Variants in HSDL2 observed in about 807,000 individuals in gnomAD.
HSDL2 encodes hydroxysteroid dehydrogenase-like protein 2.
In HSDL2, 27 loss-of-function variants were observed where a neutral mutation model predicts 46.3. The observed-to-expected ratio is 0.58, with a 90% CI of 0.43 to 0.80. HSDL2 has a LOEUF of 0.80. Among genes scored for constraint, HSDL2 ranks in the 30% least tolerant of loss-of-function variants. HSDL2 has a pLI of 0.00. For synonymous variants in HSDL2, 153 were observed against 163.6 expected, an observed-to-expected ratio of 0.94 and a Z score of 0.50; for missense variants, 451 against 502.7, an observed-to-expected ratio of 0.90 and a Z score of 0.98.
chr9:112,399,408 T>G (rs1831536832), intron 1 of HSDL2, among the ~76,000 whole-genome samples: 1 of 152,186 alleles, frequency 6.6e-6, no homozygotes, highest in Admixed American at 6.5e-5. Context: ...GAACCACTGA[T>G]AAGGATCTAT....
Position 112,401,060 on chromosome 9 carries a change from T to C in HSDL2, c.18-2935T>C, listed in dbSNP as rs971144348. Among the ~76,000 whole-genome samples, 4 of 152,220 alleles carry C rather than the reference T, an allele frequency of 2.6e-5. No homozygotes were observed. The South Asian group carries it at 8.3e-4, about 32-fold the overall frequency. ...TAAGGCCGGGGTTATCTTCCTGTTA[T>C]TGATTGATAACATCCCTTGCTGTTA... On this transcript the variant is annotated intron_variant, in intron 1 of 10. Transcript: ENST00000398805.
At position 112,459,464 on chromosome 9, in the gene HSDL2, C is replaced by T. The variant is rs774208549; in HGVS notation, c.1031C>T (p.Thr344Met). The T allele has an allele frequency of 3.7e-6, 6 of 1,613,668 alleles. No homozygotes were observed. The highest frequency in any genetic ancestry group is 2.7e-5 in the African/African-American group (2 of 74,872). Reference sequence around the variant, plus strand: ...ATCTCTCTAGGTGAAGATGGTGGCACGTGGTTTCTTGATCTGAAAAGCAAG... The same window carrying T: ...ATCTCTCTAGGTGAAGATGGTGGCATGTGGTTTCTTGATCTGAAAAGCAAG... ...LFELSGEDGG[T>M]WFLDLKSKGG... The change falls in exon 10 of 11, where the codon ACG (threonine) becomes ATG (methionine). Residue 344 changes from threonine (T) to methionine (M), a missense_variant. Transcript: ENST00000398805.
At chr9:112,432,188 T>C (rs547508615) in intron 6 of HSDL2, among the ~76,000 whole-genome samples, 1 of 152,162 alleles carries the variant, frequency 6.6e-6, no homozygotes, top group East Asian at 1.9e-4. Context: ...AGCCTAGGTA[T>C]TTCTTTATAG....
intron 1 of HSDL2, among the ~76,000 whole-genome samples, chr9:112,381,589 C>T (rs1831097048): frequency 6.6e-6 from 1 of 152,082 alleles, no homozygotes. Flanking sequence ...CTCATGACCT[C>T]GTGATCCGTC....
chr9:112,466,149 G>A (rs1489658429), intron 10 of HSDL2, among the ~76,000 whole-genome samples: 1 of 152,192 alleles, frequency 6.6e-6, no homozygotes, highest in Non-Finnish European at 1.5e-5. Context: ...AATGACAAAT[G>A]ATATCATACT....
intron 1 of HSDL2, among the ~76,000 whole-genome samples, chr9:112,393,428 A>G (rs1464346688): frequency 1.3e-5 from 2 of 152,202 alleles, no homozygotes; most frequent in Non-Finnish European, 2.9e-5. Flanking sequence ...TCATTAGCCA[A>G]TCTCCAAGCC....
chr9:112,420,267 T>C (rs1316597545), intron 6 of HSDL2, among the ~76,000 whole-genome samples: 2 of 152,100 alleles, frequency 1.3e-5, no homozygotes, highest in Admixed American at 6.5e-5. Flanking sequence ...TGAACCCAGA[T>C]TGGACCACTG....
At chr9:112,438,826 T>A in intron 7 of HSDL2, 6 of 350,892 alleles carry the variant, frequency 1.7e-5, no homozygotes, top group Non-Finnish European at 2.4e-5. Flanking sequence ...AGTTGAGGGC[T>A]TTTGAAGTGA....
chr9:112,452,581 T>C (rs1259349131), intron 8 of HSDL2, among the ~76,000 whole-genome samples: 19 of 151,948 alleles, frequency 1.3e-4, no homozygotes, highest in Admixed American at 1.2e-3. Flanking sequence ...ACCCTGTCTC[T>C]ACTAAAAATT....
At chr9:112,389,608 A>C (rs911449251) in intron 1 of HSDL2, among the ~76,000 whole-genome samples, 5 of 152,236 alleles carry the variant, frequency 3.3e-5, no homozygotes, top group Non-Finnish European at 5.9e-5. Context: ...TCATAATGAA[A>C]TACATTAGAA....
At position 112,404,106 on chromosome 9, in the gene HSDL2, C is replaced by T. The variant is rs767531369; in HGVS notation, c.129C>T (p.Thr43=). 12 of 1,613,976 alleles carry T rather than the reference C, an allele frequency of 7.4e-6. No homozygotes were observed. In the African/African-American group the frequency reaches 1.2e-4, roughly 16 times the overall value. The change falls in exon 2 of 11, where the codon ACC becomes ACT. Residue 43 remains threonine (T), a synonymous_variant. Transcript: ENST00000398805. The part of the protein sequence containing the change: ...DGANIVIAAK[T]AQPHPKLLGT... Reference sequence around the variant, plus strand: ...CAAATATTGTTATTGCTGCAAAGACCGCCCAGCCACATCCAAAACTTCTAG... The same window carrying T: ...CAAATATTGTTATTGCTGCAAAGACTGCCCAGCCACATCCAAAACTTCTAG...
chr9:112,466,176 G>A lies in HSDL2; in HGVS notation c.1145-4256G>A, dbSNP rs574535824. Among the ~76,000 whole-genome samples the A allele has an allele frequency of 8.6e-5, 13 of 152,000 alleles. No homozygotes were observed. In the East Asian group the frequency reaches 2.1e-3, roughly 25 times the overall value. On this transcript the variant is annotated intron_variant, in intron 10 of 10. Transcript: ENST00000398805. ...TATCATACTTTTTTTATGTGCTTAT[G>A]GATCAAAGGTATTTCCTTGGAGAAA...
chr9:112,463,685 G>C (rs970450025), intron 10 of HSDL2, among the ~76,000 whole-genome samples: 2 of 25,382 alleles, frequency 7.9e-5, no homozygotes, highest in Non-Finnish European at 1.4e-4. Context: ...TATTTTTTGA[G>C]ACACAGTCTT....
chr9:112,455,676 T>C (rs762857160), intron 9 of HSDL2, among the ~76,000 whole-genome samples: 27 of 152,246 alleles, frequency 1.8e-4, no homozygotes, highest in Non-Finnish European at 3.5e-4. Context: ...AGCTTACTGC[T>C]GCATTTTCCA....
At chr9:112,450,999 G>T (rs1235007750) in intron 8 of HSDL2, among the ~76,000 whole-genome samples, 1 of 151,656 alleles carries the variant, frequency 6.6e-6, no homozygotes, top group Non-Finnish European at 1.5e-5. Flanking sequence ...CTAGGAGTTC[G>T]AGACCAGCCT....
In HSDL2 at chr9:112,438,630, T is replaced by A; in HGVS notation, c.793+5T>A. The A allele has an allele frequency of 6.6e-7, 1 of 1,511,718 alleles. No homozygotes were observed. Among genetic ancestry groups the A allele is most frequent in the South Asian group, 1.2e-5 (1 of 84,052 alleles). The allele number at this position is 1,511,718 out of a possible 1,614,324, so 93.6% of individuals were successfully genotyped here. On this transcript the variant is annotated splice_donor_5th_base_variant and intron_variant, in intron 7 of 10. Coordinates refer to ENST00000398805, the MANE Select transcript of HSDL2 (RefSeq NM_032303.5). The stretch of plus-strand genomic sequence containing the variant: ...ACGTTTATGCAATTAAACCAGGTAA[T>A]GCTTTTATAGTTTTTAAAAGTAGTG...
At chr9:112,400,062 G>A (rs1044463757) in intron 1 of HSDL2, among the ~76,000 whole-genome samples, 2 of 152,178 alleles carry the variant, frequency 1.3e-5, no homozygotes, top group Non-Finnish European at 2.9e-5. Context: ...CTCTTCCGCG[G>A]CTCCAGCTGG....
chr9:112,400,494 C>T (rs1432038482), intron 1 of HSDL2, among the ~76,000 whole-genome samples: 1 of 152,208 alleles, frequency 6.6e-6, no homozygotes. Flanking sequence ...GTAGTCCCAG[C>T]TACTTGGGAG....
At chr9:112,404,812 G>A (rs1831688450) in intron 2 of HSDL2, among the ~76,000 whole-genome samples, 1 of 152,182 alleles carries the variant, frequency 6.6e-6, no homozygotes, top group African/African-American at 2.4e-5. Context: ...TGCTAGTTTT[G>A]TTAATCATGT....
Sources: gnomAD v4.1 joint callset for allele counts (sites outside exome capture counted in the v4.1 genomes callset) on GRCh38, gnomAD v4.1.1 for gene constraint, MANE v1.5 for transcripts, NCBI Gene and HGNC (gene_info 2026-07-23, HGNC 2026-07-21) for gene names.